Variants in METTL25 observed in about 807,000 individuals in gnomAD.
METTL25 encodes the protein probable methyltransferase-like protein 25.
A neutral mutation model predicts 71.6 loss-of-function variants in METTL25; 64 were observed. The observed-to-expected ratio is 0.89, with a 90% CI of 0.73 to 1.10. The LOEUF is 1.10. Among genes scored for constraint, METTL25 ranks in the 50% least tolerant of loss-of-function variants. METTL25 has a pLI of 0.00. For synonymous variants in METTL25, 287 were observed against 250.3 expected (o/e 1.15, Z -1.38); for missense variants, 807 against 707.0 (o/e 1.14, Z -1.60).
chr12:82,374,794 A>G (rs1287142311), intron 1 of METTL25, among the ~76,000 whole-genome samples: 2 of 152,252 alleles, frequency 1.3e-5, no homozygotes, highest in African/African-American at 4.8e-5. Flanking sequence ...ATTTTTAAGT[A>G]GCTAAAAATA....
intron 3 of METTL25, among the ~76,000 whole-genome samples, chr12:82,398,088 A>G (rs1161796830): frequency 6.6e-6 from 1 of 152,016 alleles, no homozygotes. Context: ...CCACCATTTC[A>G]TGAACATAGT....
At chr12:82,361,895 C>G (rs1881977933) in intron 1 of METTL25, among the ~76,000 whole-genome samples, 1 of 152,224 alleles carries the variant, frequency 6.6e-6, no homozygotes, top group African/African-American at 2.4e-5. Flanking sequence ...AAGGACTCCT[C>G]AAGCGTGGCC....
At chr12:82,435,478 G>C (rs1889848266) in intron 7 of METTL25, among the ~76,000 whole-genome samples, 1 of 151,386 alleles carries the variant, frequency 6.6e-6, no homozygotes, top group South Asian at 2.1e-4. Flanking sequence ...TATATACACT[G>C]TGCCTATCTT....
intron 9 of METTL25, among the ~76,000 whole-genome samples, chr12:82,458,557 A>G (rs1891649076): frequency 2.0e-5 from 3 of 151,634 alleles, no homozygotes; most frequent in African/African-American, 7.3e-5. Context: ...AGAGAGAACC[A>G]CTCATAAGAG....
chr12:82,372,366 G>A (rs971229074), intron 1 of METTL25, among the ~76,000 whole-genome samples: 1 of 152,120 alleles, frequency 6.6e-6, no homozygotes, highest in Non-Finnish European at 1.5e-5. Context: ...TCTGGGCAGG[G>A]GAGATTAGAG....
Position 82,410,615 on chromosome 12 carries a change from T to G in METTL25, c.1279+7485T>G, listed in dbSNP as rs139142579. On this transcript the variant is annotated intron_variant, in intron 5 of 11. Transcript: ENST00000248306. ...ACGTATTTTTTTAGGCATTGCTGAG[T>G]CCACACAAAATAAGGGAAATCTCTA... Among the ~76,000 whole-genome samples, 1,219 of 152,042 alleles carry G rather than the reference T, an allele frequency of 8.0e-3. 11 individuals carry two copies. The highest frequency in any genetic ancestry group is 0.028 in the African/African-American group (1,179 of 41,488).
Position 82,386,914 on chromosome 12 carries a change from C to G in METTL25, c.371C>G (p.Thr124Ser). The change falls in exon 2 of 12, where the codon ACT (threonine) becomes AGT (serine). Residue 124 changes from threonine to serine, a missense_variant. Thr to Ser is a moderately conservative substitution (Grantham distance 58). Coordinates refer to ENST00000248306, the MANE Select transcript of METTL25 (RefSeq NM_032230.3). ...YYSVQNLGICTPFEQLLVALR... is the reference protein window; with the variant it reads ...YYSVQNLGICSPFEQLLVALR... ...TCTGTACAAAACTTGGGAATATGTA[C>G]TCCTTTTGAACAGTTGCTTGTAGCC... 6.2e-7 allele frequency: 1 copy of G among 1,613,394 alleles called. No homozygotes were observed. The highest frequency in any genetic ancestry group is 8.5e-7 in the Non-Finnish European group (1 of 1,179,590).
chr12:82,469,500 G>C (rs1041029198), intron 9 of METTL25, among the ~76,000 whole-genome samples: 76 of 152,064 alleles, frequency 5.0e-4, no homozygotes, highest in Non-Finnish European at 9.1e-4. Flanking sequence ...CAGATCTCAT[G>C]AGAACTTACT....
At chr12:82,373,294 C>T (rs554136091) in intron 1 of METTL25, among the ~76,000 whole-genome samples, 1 of 152,132 alleles carries the variant, frequency 6.6e-6, no homozygotes, top group African/African-American at 2.4e-5. Flanking sequence ...ATTTCTGAAG[C>T]TCCCCATATC....
At chr12:82,369,444 T>C (rs1243933444) in intron 1 of METTL25, 7 of 451,106 alleles carry the variant, frequency 1.6e-5, no homozygotes, top group Non-Finnish European at 3.1e-5. Context: ...CGGTGACTGT[T>C]ACAGCTCTTA....
intron 3 of METTL25, among the ~76,000 whole-genome samples, chr12:82,394,928 G>T (rs920913800): frequency 6.6e-6 from 1 of 151,762 alleles, no homozygotes; most frequent in Non-Finnish European, 1.5e-5. Flanking sequence ...CCCTGAACAT[G>T]CATACTTTGT....
intron 4 of METTL25, among the ~76,000 whole-genome samples, chr12:82,402,657 C>T (rs905481456): frequency 5.3e-5 from 8 of 151,932 alleles, no homozygotes; most frequent in South Asian, 2.1e-4. Context: ...TTTTAATGGA[C>T]GTTAAAGTTG....
intron 3 of METTL25, among the ~76,000 whole-genome samples, chr12:82,390,686 C>T (rs1160526668): frequency 3.9e-5 from 6 of 151,986 alleles, no homozygotes; most frequent in Non-Finnish European, 8.8e-5. Context: ...GCTTGCAGAG[C>T]CACTTGTGGC....
chr12:82,436,940 C>T (rs1889963812), intron 7 of METTL25, among the ~76,000 whole-genome samples: 1 of 151,320 alleles, frequency 6.6e-6, no homozygotes, highest in Non-Finnish European at 1.5e-5. Flanking sequence ...CTTTGAATTT[C>T]AATAAAATGT....
At chr12:82,443,825 CT>C (rs1890541683) in intron 8 of METTL25, among the ~76,000 whole-genome samples, 10 of 152,192 alleles carry the variant, frequency 6.6e-5, no homozygotes, top group Admixed American at 2.6e-4. Context: ...CAAGAACTCA[CT>C]CACTGTCCCC....
intron 8 of METTL25, among the ~76,000 whole-genome samples, chr12:82,440,793 T>G (rs1230866813): frequency 6.6e-6 from 1 of 152,086 alleles, no homozygotes; most frequent in East Asian, 1.9e-4. Context: ...TGTGTGCACA[T>G]GCGTGTGTGT....
intron 1 of METTL25, among the ~76,000 whole-genome samples, chr12:82,384,156 ATT>A (rs764158336): frequency 2.0e-5 from 3 of 152,220 alleles, no homozygotes; most frequent in Non-Finnish European, 4.4e-5. Flanking sequence ...TAGGCAGCAA[ATT>A]TAAAGTTTTC....
chr12:82,358,529 A>AT lies in METTL25; in HGVS notation c.-36dup. 1.0e-5 allele frequency: 16 copies of AT among 1,601,506 alleles called. No individual in the cohort carries two copies. The South Asian group carries it at 1.6e-4, about 17-fold the overall frequency. On this transcript the variant is annotated 5_prime_UTR_variant, in exon 1 of 12. It removes an upstream start codon present in the reference 5' UTR. Coordinates refer to ENST00000248306, the MANE Select transcript of METTL25 (RefSeq NM_032230.3). ...TGGGCCGAGCTGGCGCCTCACGGCCATGTTTGCGCCACCTACAGCCTCGGA... is the reference window on the plus strand; with the variant it reads ...TGGGCCGAGCTGGCGCCTCACGGCCATTGTTTGCGCCACCTACAGCCTCGGA...
At chr12:82,370,624 C>A (rs1287180501) in intron 1 of METTL25, among the ~76,000 whole-genome samples, 1 of 152,108 alleles carries the variant, frequency 6.6e-6, no homozygotes, top group Non-Finnish European at 1.5e-5. Context: ...AAAGAGAAGA[C>A]CTTCAATTAT....
Sources: allele counts gnomAD v4.1 joint callset (sites outside exome capture counted in the v4.1 genomes callset), GRCh38; gene constraint gnomAD v4.1.1; transcripts MANE v1.5; gene names NCBI Gene and HGNC (gene_info 2026-07-23, HGNC 2026-07-21).